INPP5D: variants seen among roughly 807,000 people sequenced by gnomAD.
The protein encoded by INPP5D is inositol polyphosphate-5-phosphatase D.
A neutral mutation model predicts 122.9 loss-of-function variants in INPP5D; 33 were observed. That is an observed-to-expected ratio of 0.27 (90% CI 0.20 to 0.36). The LOEUF is 0.36. Among genes scored for constraint, INPP5D ranks in the 10% least tolerant of loss-of-function variants. The probability of loss-of-function intolerance (pLI) is 1.00; values close to 1 mark genes in which losing one functional copy is unlikely to be tolerated. For missense variants in INPP5D, 1,053 were observed against 1,412.7 expected (o/e 0.75, Z 4.08); for synonymous variants, 584 against 576.2 (o/e 1.01, Z -0.19).
chr2:233,157,749 A>T (rs552446289), intron 9 of INPP5D, among the ~76,000 whole-genome samples: 53 of 141,776 alleles, frequency 3.7e-4, no homozygotes, highest in African/African-American at 1.5e-3. Flanking sequence ...TAATCTAAGC[A>T]TTTTTTTTTT....
At position 233,177,203 on chromosome 2, in the gene INPP5D, T is replaced by C; in HGVS notation, c.1990-62T>C. On this transcript the variant is annotated intron_variant, in intron 17 of 26. Transcript: ENST00000445964. This position sits in a 1 kb window ranked among gnomAD's most constrained non-coding sequence, Gnocchi z 4.2. Reference sequence around the variant, plus strand: ...CAGAGGCCACCAGTTAATCTGTTCTTTTACTGATTAAAAAAATAATAATAA... The same window carrying C: ...CAGAGGCCACCAGTTAATCTGTTCTCTTACTGATTAAAAAAATAATAATAA... 1 of 1,602,066 alleles carries C rather than the reference T, an allele frequency of 6.2e-7. No individual in the cohort carries two copies. Among genetic ancestry groups the C allele is most frequent in the South Asian group, 1.1e-5 (1 of 90,320 alleles).
chr2:233,096,720 C>T (rs75871290), intron 2 of INPP5D, among the ~76,000 whole-genome samples: 18,885 of 152,018 alleles, frequency 0.12, 1,605 homozygotes, highest in East Asian at 0.37. Flanking sequence ...CTGTCAATTG[C>T]CTATTTATAT....
Position 233,180,791 on chromosome 2 carries a change from G to A in INPP5D, c.2072-1619G>A, listed in dbSNP as rs536703821. 7.5e-4 allele frequency among the ~76,000 whole-genome samples: 109 copies of A among 145,878 alleles called. 2 individuals are homozygous for A. The highest frequency in any genetic ancestry group is 2.4e-3 in the African/African-American group (94 of 38,702). Reference sequence around the variant, plus strand: ...TGGCCTCAAGTGATCCACCCACCTCGGCCTCCCAAAGTGCTGGGATTACAT... The same window carrying A: ...TGGCCTCAAGTGATCCACCCACCTCAGCCTCCCAAAGTGCTGGGATTACAT... On this transcript the variant is annotated intron_variant, in intron 18 of 26. Coordinates refer to ENST00000445964, the MANE Select transcript of INPP5D (RefSeq NM_001017915.3).
In INPP5D at chr2:233,204,381, G is replaced by A; in HGVS notation, c.3231G>A (p.Gln1077=). The change falls in exon 26 of 27, where the codon CAG becomes CAA. Residue 1077 remains glutamine, a synonymous_variant. Transcript: ENST00000445964. ...EADRGEGPGK[Q]VPAPRLRSFT... Reference sequence around the variant, plus strand: ...ATCGCGGCGAGGGGCCCGGCAAGCAGGTGCCCGCGCCCCGGCTGCGCTCCT... The same window carrying A: ...ATCGCGGCGAGGGGCCCGGCAAGCAAGTGCCCGCGCCCCGGCTGCGCTCCT... 6.2e-7 allele frequency: 1 copy of A among 1,610,358 alleles called. No individual in the cohort carries two copies. Among genetic ancestry groups the A allele is most frequent in the Non-Finnish European group, 8.5e-7 (1 of 1,178,470 alleles).
At chr2:233,084,252 A>G (rs1691770757) in intron 2 of INPP5D, among the ~76,000 whole-genome samples, 1 of 152,102 alleles carries the variant, frequency 6.6e-6, no homozygotes, top group Admixed American at 6.5e-5. Flanking sequence ...ATAGGGTTTC[A>G]CTATGTTGCC....
intron 8 of INPP5D, among the ~76,000 whole-genome samples, chr2:233,147,060 C>A (rs567019666): frequency 6.6e-6 from 1 of 152,228 alleles, no homozygotes; most frequent in East Asian, 1.9e-4. Context: ...GTTTTCTTTT[C>A]TATTATTATC....
At chr2:233,088,474 G>C (rs766338442) in intron 2 of INPP5D, among the ~76,000 whole-genome samples, 1 of 152,212 alleles carries the variant, frequency 6.6e-6, no homozygotes, top group Non-Finnish European at 1.5e-5. Flanking sequence ...TTCCAGAGAA[G>C]GCTCTTCCTC....
chr2:233,116,307 T>C (rs1692794736), intron 2 of INPP5D, among the ~76,000 whole-genome samples: 1 of 140,454 alleles, frequency 7.1e-6, no homozygotes, highest in Admixed American at 6.9e-5. Flanking sequence ...AGATACTTTT[T>C]GAGACAGGGT....
At chr2:233,168,032 A>G in intron 13 of INPP5D, among the ~76,000 whole-genome samples, 1 of 96,120 alleles carries the variant, frequency 1.0e-5, no homozygotes, top group African/African-American at 2.9e-5. Flanking sequence ...AAAAGAAAGA[A>G]AGGAAGAAAA....
intron 17 of INPP5D, among the ~76,000 whole-genome samples, chr2:233,176,962 G>C (rs1053390606): frequency 6.6e-6 from 1 of 152,046 alleles, no homozygotes; most frequent in African/African-American, 2.4e-5. Flanking sequence ...ACAGGTGGGG[G>C]TTCATCTGAG....
intron 10 of INPP5D, among the ~76,000 whole-genome samples, chr2:233,159,900 A>G (rs1694159598): frequency 6.6e-6 from 1 of 152,026 alleles, no homozygotes; most frequent in South Asian, 2.1e-4. Flanking sequence ...TGGGAGGTCT[A>G]AGGTGTCCAG....
At chr2:233,147,357 C>A (rs140450451) in intron 8 of INPP5D, 114 bp from the exon 9 acceptor site, 6 of 638,936 alleles carry the variant, frequency 9.4e-6, no homozygotes, top group South Asian at 1.7e-5. Context: ...AGTGGCCCCA[C>A]GAAGGACGCA....
intron 9 of INPP5D, among the ~76,000 whole-genome samples, chr2:233,151,350 G>C (rs1201601564): frequency 6.6e-6 from 1 of 151,924 alleles, no homozygotes; most frequent in Non-Finnish European, 1.5e-5. Flanking sequence ...GGCTATTTCA[G>C]AGCAGGTTTG....
At position 233,139,466 on chromosome 2, in the gene INPP5D, CTGTG is replaced by C. The variant is rs1191977468; in HGVS notation, c.666-340_666-337del. Reference sequence around the variant, plus strand: ...GCCCAGAAATTTGCATTGTTAACACCTGTGTGTGTGTGTGTGTGTGTGTGTGTGT... The same window carrying C: ...GCCCAGAAATTTGCATTGTTAACACCTGTGTGTGTGTGTGTGTGTGTGTGT... On this transcript the variant is annotated intron_variant, in intron 5 of 26. Transcript: ENST00000445964. Among the ~76,000 whole-genome samples the C allele has an allele frequency of 7.0e-3, 1,035 of 147,530 alleles. 4 individuals carry two copies. Among genetic ancestry groups the C allele is most frequent in the African/African-American group, 0.012 (468 of 40,168 alleles).
At chr2:233,176,762 A>G (rs1440034363) in intron 17 of INPP5D, among the ~76,000 whole-genome samples, 2 of 143,362 alleles carry the variant, frequency 1.4e-5, no homozygotes, top group African/African-American at 5.2e-5. Context: ...ATGAATAGGT[A>G]GATAAGTGGA....
At chr2:233,169,868 A>T in intron 14 of INPP5D, 158 bp from the exon 15 acceptor site, 8 of 1,395,574 alleles carry the variant, frequency 5.7e-6, no homozygotes, top group Non-Finnish European at 6.9e-6. Flanking sequence ...ATATTTGCAC[A>T]CTAAGGAGTT....
rs74499005 is a variant in INPP5D at position 233,118,826 on chromosome 2, C to T, written c.199-3281C>T. On this transcript the variant is annotated intron_variant, in intron 2 of 26. Transcript: ENST00000445964. ...GTCAGCGGCCATTATCAGCTTGCCA[C>T]CTGTCTGCCATCCATGAGGCTTGGC... Among the ~76,000 whole-genome samples the T allele has an allele frequency of 9.3e-3, 1,412 of 152,374 alleles. 11 individuals are homozygous for T. The highest frequency in any genetic ancestry group is 0.015 in the Non-Finnish European group (1,014 of 68,022).
chr2:233,161,273 T>C (rs2106292938), intron 10 of INPP5D, among the ~76,000 whole-genome samples: 1 of 152,162 alleles, frequency 6.6e-6, no homozygotes, highest in Admixed American at 6.5e-5. Context: ...GTATTTTTAG[T>C]AGAGACAGGA....
At chr2:233,155,307 G>A (rs951515901) in intron 9 of INPP5D, among the ~76,000 whole-genome samples, 1 of 152,190 alleles carries the variant, frequency 6.6e-6, no homozygotes, top group East Asian at 1.9e-4. Flanking sequence ...AAATAGGAGA[G>A]GCAAGATTTT....
Sources: gnomAD v4.1 joint callset for allele counts (sites outside exome capture counted in the v4.1 genomes callset) on GRCh38, gnomAD v4.1.1 for gene constraint, Gnocchi (gnomAD v3.1) non-coding constraint, MANE v1.5 for transcripts, NCBI Gene and HGNC (gene_info 2026-07-23, HGNC 2026-07-21) for gene names.